METTL4: variants seen among roughly 807,000 people sequenced by gnomAD.
METTL4 encodes the protein methyltransferase 4, N6-adenosine.
In METTL4, 40 loss-of-function variants were observed where a neutral mutation model predicts 54.0. That is an observed-to-expected ratio of 0.74 (90% CI 0.58 to 0.96). METTL4 has a LOEUF of 0.96. Ranked by LOEUF, METTL4 falls within the 50% of genes least tolerant of loss-of-function variation. METTL4 has a pLI of 0.00. For synonymous variants in METTL4, 169 were observed against 183.8 expected (o/e 0.92, Z 0.65); for missense variants, 525 against 549.0 (o/e 0.96, Z 0.44).
At chr18:2,570,532 A>G (rs934796079) in intron 1 of METTL4, among the ~76,000 whole-genome samples, 6 of 152,238 alleles carry the variant, frequency 3.9e-5, no homozygotes, top group African/African-American at 1.4e-4. Flanking sequence ...GGATTTAACA[A>G]TCTGTAGGTA....
At chr18:2,565,278 CAA>C (rs1388205365) in intron 2 of METTL4, among the ~76,000 whole-genome samples, 1 of 142,920 alleles carries the variant, frequency 7.0e-6, no homozygotes, top group African/African-American at 2.6e-5. Flanking sequence ...GACTCCGTCT[CAA>C]AAAAAAAAAG....
intron 5 of METTL4, among the ~76,000 whole-genome samples, chr18:2,550,160 A>G (rs950468794): frequency 6.6e-6 from 1 of 152,180 alleles, no homozygotes; most frequent in Non-Finnish European, 1.5e-5. Context: ...GAAGAATGTC[A>G]GGTCAAAAAT....
chr18:2,557,708 T>C (rs879746333), intron 3 of METTL4, among the ~76,000 whole-genome samples: 4 of 152,184 alleles, frequency 2.6e-5, no homozygotes, highest in Non-Finnish European at 5.9e-5. Flanking sequence ...CTAACTATGT[T>C]GATTGCCACT....
chr18:2,554,946 C>T lies in METTL4; in HGVS notation c.552G>A (p.Lys184=). The T allele has an allele frequency of 6.2e-7, 1 of 1,614,074 alleles. No homozygotes were observed. Among genetic ancestry groups the T allele is most frequent in the South Asian group, 1.1e-5 (1 of 91,074 alleles). Reference sequence around the variant, plus strand: ...GTGGTAAAGTAATGGGCTTACTACCCTTGTCCTGTTTTTCAAAAAGTGGAT... The same window carrying T: ...GTGGTAAAGTAATGGGCTTACTACCTTTGTCCTGTTTTTCAAAAAGTGGAT... ...FLYPLFEKQD[K]GSKPITLPLD... is the part of the protein sequence containing the mutation. The change falls in exon 4 of 9, where the codon AAG becomes AAA. Residue 184 remains lysine, a synonymous_variant. Transcript: ENST00000574538.
chr18:2,540,185 T>C, intron 8 of METTL4: 1 of 985,360 alleles, frequency 1.0e-6, no homozygotes, highest in Non-Finnish European at 1.2e-6. Flanking sequence ...ACACAGAAAC[T>C]TTTTGAAAAG....
In METTL4 at chr18:2,552,544, T is replaced by C. The variant is rs556239047; in HGVS notation, c.899+151A>G. On this transcript the variant is annotated intron_variant, in intron 5 of 8. Coordinates refer to ENST00000574538, the MANE Select transcript of METTL4 (RefSeq NM_022840.5). ...ATAGTTACAGTTCAAGAGAATTAAC[T>C]AGTTAAGGAAATTAAGCTGTTAAAA... The C allele has an allele frequency of 7.2e-4, 434 of 602,512 alleles. 7 individuals carry two copies. In the South Asian group the frequency reaches 8.8e-3, roughly 12 times the overall value. The allele number at this position is 602,512 out of a possible 1,614,324, so 37.3% of individuals were successfully genotyped here.
At chr18:2,565,293 G>A (rs1254075777) in intron 2 of METTL4, among the ~76,000 whole-genome samples, 1 of 151,726 alleles carries the variant, frequency 6.6e-6, no homozygotes, top group African/African-American at 2.4e-5. Flanking sequence ...AAAAAAAGGG[G>A]GATCAACACA....
intron 2 of METTL4, among the ~76,000 whole-genome samples, chr18:2,565,260 C>A (rs913167695): frequency 2.6e-5 from 4 of 151,394 alleles, no homozygotes; most frequent in African/African-American, 9.7e-5. Flanking sequence ...GCCTGGGAAA[C>A]AGAGCAAGAC....
rs2071948020 is a variant in METTL4, at chr18:2,538,822, G to C, written c.*178C>G. 1 of 614,604 alleles carries C rather than the reference G, an allele frequency of 1.6e-6. No individual in the cohort carries two copies. Among genetic ancestry groups the C allele is most frequent in the South Asian group, 2.3e-5 (1 of 43,306 alleles). The allele number at this position is 614,604 out of a possible 1,614,324, so 38.1% of individuals were successfully genotyped here. The stretch of plus-strand genomic sequence containing the variant: ...AACATAGAATGTTAGTGCAACTCAA[G>C]TAAAATTCATCTTAAAATTACATGA... On this transcript the variant is annotated 3_prime_UTR_variant, in exon 9 of 9. Coordinates refer to ENST00000574538, the MANE Select transcript of METTL4 (RefSeq NM_022840.5).
chr18:2,557,048 C>T (rs2072249310), intron 3 of METTL4, among the ~76,000 whole-genome samples: 1 of 151,826 alleles, frequency 6.6e-6, no homozygotes, highest in Non-Finnish European at 1.5e-5. Context: ...AATCGATAGC[C>T]CCAGCAAATT....
intron 8 of METTL4, chr18:2,540,912 C>A (rs1272322920): frequency 1.0e-6 from 1 of 985,250 alleles, no homozygotes; most frequent in Non-Finnish European, 1.2e-6. Context: ...GTTTCCTCTT[C>A]TGAGCACCCA....
In METTL4 at chr18:2,559,206, A is replaced by G. The variant is rs1286686937; in HGVS notation, c.460-4168T>C. Among the ~76,000 whole-genome samples, 5 of 152,230 alleles carry G rather than the reference A, an allele frequency of 3.3e-5. No individual in the cohort carries two copies. In the East Asian group the frequency reaches 7.7e-4, roughly 23 times the overall value. On this transcript the variant is annotated intron_variant, in intron 3 of 8. Coordinates refer to ENST00000574538, the MANE Select transcript of METTL4 (RefSeq NM_022840.5). ...ATTATTCACAACAGCCAAAAGGTAG[A>G]AACTACGCAAAAGTCCATAAACAAA...
At chr18:2,543,953 G>A (rs1282621324) in intron 8 of METTL4, among the ~76,000 whole-genome samples, 1 of 152,342 alleles carries the variant, frequency 6.6e-6, no homozygotes, top group East Asian at 1.9e-4. Context: ...GGAAGCAACT[G>A]ATAGCAAGGG....
At chr18:2,541,776 C>T (rs2071996025) in intron 8 of METTL4, among the ~76,000 whole-genome samples, 1 of 150,254 alleles carries the variant, frequency 6.7e-6, no homozygotes, top group African/African-American at 2.4e-5. Flanking sequence ...TTTCTAAATA[C>T]AAAAGAGAAA....
rs2071950255 is a variant in METTL4, at chr18:2,538,919, C to T, written c.*81G>A. The T allele has an allele frequency of 1.3e-6, 2 of 1,491,340 alleles. No individual in the cohort carries two copies. Among genetic ancestry groups the T allele is most frequent in the Non-Finnish European group, 1.8e-6 (2 of 1,100,072 alleles). The allele number at this position is 1,491,340 out of a possible 1,614,324, so 92.4% of individuals were successfully genotyped here. On this transcript the variant is annotated 3_prime_UTR_variant, in exon 9 of 9. Coordinates refer to ENST00000574538, the MANE Select transcript of METTL4 (RefSeq NM_022840.5). ...ATATTCTAAGAATATGGGTTGGTAA[C>T]AAAATAAAAAAATGACTTAGAATTA...
intron 8 of METTL4, among the ~76,000 whole-genome samples, chr18:2,543,478 C>T (rs929570955): frequency 1.3e-5 from 2 of 152,112 alleles, no homozygotes; most frequent in African/African-American, 4.8e-5. Flanking sequence ...TCACATGCTA[C>T]GGAACTTTAA....
At position 2,571,219 on chromosome 18, in the gene METTL4, A is replaced by C. The variant is rs1218351331; in HGVS notation, c.-509T>G. On this transcript the variant is annotated 5_prime_UTR_variant, in exon 1 of 9. Coordinates refer to ENST00000574538, the MANE Select transcript of METTL4 (RefSeq NM_022840.5). ...TCATGAAAACAGCACCCATCTAAATAGTGATCATGAAAAATGCCCCTTCCA... is the reference window on the plus strand; with the variant it reads ...TCATGAAAACAGCACCCATCTAAATCGTGATCATGAAAAATGCCCCTTCCA... The C allele has an allele frequency of 6.6e-6, 1 of 152,282 alleles. No homozygotes were observed. Among genetic ancestry groups the C allele is most frequent in the African/African-American group, 2.4e-5 (1 of 41,448 alleles). The allele number at this position is 152,282 out of a possible 1,614,324, so 9.4% of individuals were successfully genotyped here.
chr18:2,538,932 T>A lies in METTL4; in HGVS notation c.*68A>T, dbSNP rs892088174. 1 of 1,524,406 alleles carries A rather than the reference T, an allele frequency of 6.6e-7. No homozygotes were observed. Among genetic ancestry groups the A allele is most frequent in the Non-Finnish European group, 8.9e-7 (1 of 1,126,392 alleles). The allele number at this position is 1,524,406 out of a possible 1,614,324, so 94.4% of individuals were successfully genotyped here. ...ATGGGTTGGTAACAAAATAAAAAAATGACTTAGAATTAAGGGAAAAGTGGT... is the reference window on the plus strand; with the variant it reads ...ATGGGTTGGTAACAAAATAAAAAAAAGACTTAGAATTAAGGGAAAAGTGGT... On this transcript the variant is annotated 3_prime_UTR_variant, in exon 9 of 9. Transcript: ENST00000574538.
chr18:2,542,653 AT>A (rs34215610), intron 8 of METTL4, among the ~76,000 whole-genome samples: 16,474 of 151,374 alleles, frequency 0.11, 940 homozygotes, highest in Non-Finnish European at 0.13. Flanking sequence ...GCCAAGTATA[AT>A]TTTTTTTTCA....
Sources: allele counts gnomAD v4.1 joint callset (sites outside exome capture counted in the v4.1 genomes callset), GRCh38; gene constraint gnomAD v4.1.1; transcripts MANE v1.5; gene names NCBI Gene and HGNC (gene_info 2026-07-23, HGNC 2026-07-21).